The following MEIS1 variants were observed in gnomAD, a reference collection of about 807,000 sequenced individuals.
The protein encoded by MEIS1 is homeobox protein Meis1.
MEIS1 carries 5 observed loss-of-function variants against 50.8 expected under a neutral mutation model. That is an observed-to-expected ratio of 0.10 (90% CI 0.05 to 0.21). MEIS1 has a LOEUF of 0.21. Ranked by LOEUF, MEIS1 falls within the 10% of genes least tolerant of loss-of-function variation. MEIS1 has a pLI of 1.00. For missense variants in MEIS1, 318 were observed against 517.3 expected, an observed-to-expected ratio of 0.61 and a Z score of 3.74; for synonymous variants, 176 against 179.3, an observed-to-expected ratio of 0.98 and a Z score of 0.15.
chr2:66,477,675 T>C (rs1672925721), intron 7 of MEIS1, among the ~76,000 whole-genome samples: 1 of 152,234 alleles, frequency 6.6e-6, no homozygotes, highest in Non-Finnish European at 1.5e-5. Context: ...TTTACTGCTC[T>C]GAAAATGAGG....
chr2:66,559,978 G>T (rs1675171429), intron 9 of MEIS1, among the ~76,000 whole-genome samples: 1 of 151,688 alleles, frequency 6.6e-6, no homozygotes, highest in African/African-American at 2.4e-5. Context: ...TACATTTTTT[G>T]TAGAGACAGG....
intron 7 of MEIS1, among the ~76,000 whole-genome samples, chr2:66,485,865 T>C (rs1673130240): frequency 1.3e-5 from 2 of 152,256 alleles, no homozygotes; most frequent in South Asian, 2.1e-4. Context: ...GATGAGCTTT[T>C]TTCATATGTT....
At chr2:66,518,121 G>T (rs1674015076) in intron 8 of MEIS1, among the ~76,000 whole-genome samples, 1 of 152,098 alleles carries the variant, frequency 6.6e-6, no homozygotes, top group African/African-American at 2.4e-5. Flanking sequence ...CTCTGACCTG[G>T]GGTAATTACA....
At chr2:66,440,235 G>C in intron 3 of MEIS1, 1 of 591,722 alleles carries the variant, frequency 1.7e-6, no homozygotes, top group South Asian at 2.1e-5. Context: ...CCTCCAGAAA[G>C]CAAACGTGGA....
At chr2:66,466,818 G>A (rs772630427) in intron 7 of MEIS1, among the ~76,000 whole-genome samples, 8 of 152,054 alleles carry the variant, frequency 5.3e-5, no homozygotes, top group African/African-American at 1.9e-4. Context: ...ATCCAAAGAG[G>A]TGTTTCCCCC....
intron 7 of MEIS1, among the ~76,000 whole-genome samples, chr2:66,504,483 G>A (rs1386276913): frequency 1.3e-5 from 2 of 151,954 alleles, no homozygotes; most frequent in Non-Finnish European, 2.9e-5. Flanking sequence ...TGATCCACCC[G>A]CCTCGGTCTC....
At position 66,464,904 on chromosome 2, in the gene MEIS1, C is replaced by A. The variant is rs191787693; in HGVS notation, c.742+684C>A. Among the ~76,000 whole-genome samples the A allele has an allele frequency of 6.6e-3, 1,011 of 152,246 alleles. 11 individuals are homozygous for A. Among genetic ancestry groups the A allele is most frequent in the African/African-American group, 0.023 (940 of 41,526 alleles). On this transcript the variant is annotated intron_variant, in intron 7 of 12. Transcript: ENST00000272369. ...ATCAAGCTAGTCTTCAGCAAAAGGG[C>A]GAATTGAGTATTCAAATGTCTGTAC...
intron 8 of MEIS1, among the ~76,000 whole-genome samples, chr2:66,538,558 G>T (rs1452282786): frequency 6.6e-6 from 1 of 152,174 alleles, no homozygotes; most frequent in Non-Finnish European, 1.5e-5. Context: ...ACTCACAAAT[G>T]CAGGTTGAGG....
At chr2:66,446,335 G>T (rs1049817931) in intron 6 of MEIS1, among the ~76,000 whole-genome samples, 1 of 152,132 alleles carries the variant, frequency 6.6e-6, no homozygotes, top group African/African-American at 2.4e-5. Flanking sequence ...TTCCTAGGCC[G>T]CTTCTATTGC....
intron 7 of MEIS1, among the ~76,000 whole-genome samples, chr2:66,492,883 G>A (rs1673306263): frequency 6.6e-6 from 1 of 152,120 alleles, no homozygotes; most frequent in Non-Finnish European, 1.5e-5. Context: ...TCTTAGTTAT[G>A]CTGTTGAACA....
chr2:66,501,074 G>T (rs767494707), intron 7 of MEIS1, among the ~76,000 whole-genome samples: 4 of 152,106 alleles, frequency 2.6e-5, no homozygotes, highest in Admixed American at 6.5e-5. Flanking sequence ...TTATGTAGGA[G>T]TTTATGACCA....
chr2:66,511,335 G>C (rs1331868222), intron 7 of MEIS1, among the ~76,000 whole-genome samples: 1 of 152,024 alleles, frequency 6.6e-6, no homozygotes, highest in Non-Finnish European at 1.5e-5. Flanking sequence ...AGAATAAAGA[G>C]TGTAAATGTT....
At chr2:66,512,956 C>T (rs577720458) in intron 8 of MEIS1, among the ~76,000 whole-genome samples, 3 of 152,216 alleles carry the variant, frequency 2.0e-5, no homozygotes, top group East Asian at 3.9e-4. Context: ...CAGGAATTCT[C>T]CTGGAGATGT....
intron 7 of MEIS1, among the ~76,000 whole-genome samples, chr2:66,503,487 A>G (rs1673606910): frequency 6.6e-6 from 1 of 152,186 alleles, no homozygotes; most frequent in Non-Finnish European, 1.5e-5. Flanking sequence ...CTTGTTTCAC[A>G]CACTCATAGA....
Position 66,435,633 on chromosome 2 carries a change from G to A in MEIS1, c.-224G>A. The A allele has an allele frequency of 2.4e-6, 1 of 413,190 alleles. No homozygotes were observed. Among genetic ancestry groups the A allele is most frequent in the Non-Finnish European group, 4.3e-6 (1 of 230,864 alleles). 25.6% of individuals were successfully genotyped at this position (413,190 alleles called of 1,614,324 possible). A position where few individuals can be genotyped will look rare whatever the true frequency, so the allele number is the denominator to read the frequency against. ...TTGCCCCCGCTGCTGTCTTGGAAAC[G>A]GAGCGCTTTTATGCTCAGTGACTCG... On this transcript the variant is annotated 5_prime_UTR_variant, in exon 1 of 13. Coordinates refer to ENST00000272369, the MANE Select transcript of MEIS1 (RefSeq NM_002398.3).
chr2:66,515,086 C>T (rs1673932340), intron 8 of MEIS1, among the ~76,000 whole-genome samples: 1 of 152,024 alleles, frequency 6.6e-6, no homozygotes, highest in Non-Finnish European at 1.5e-5. Context: ...TAAATGGTCA[C>T]GTCATTGCTA....
At chr2:66,553,856 A>G (rs1389795786) in intron 9 of MEIS1, among the ~76,000 whole-genome samples, 1 of 152,236 alleles carries the variant, frequency 6.6e-6, no homozygotes, top group Non-Finnish European at 1.5e-5. Flanking sequence ...AAAGCTCCTT[A>G]TGAAAGAGTA....
chr2:66,568,766 T>C lies in MEIS1; in HGVS notation c.1114+10T>C, dbSNP rs1452143072. On this transcript the variant is annotated intron_variant, in intron 11 of 12. Coordinates refer to ENST00000272369, the MANE Select transcript of MEIS1 (RefSeq NM_002398.3). ...GGAATTAGAGCACCAGGTAAGACTT[T>C]GTTTTTGTGGTAGTTCCTCATTTTT... 1.9e-6 allele frequency: 3 copies of C among 1,611,944 alleles called. No homozygotes were observed. The highest frequency in any genetic ancestry group is 1.3e-5 in the African/African-American group (1 of 74,888).
At position 66,450,026 on chromosome 2, in the gene MEIS1, G is replaced by C. The variant is rs1672243013; in HGVS notation, c.630+6978G>C. Among the ~76,000 whole-genome samples, 4 of 152,080 alleles carry C rather than the reference G, an allele frequency of 2.6e-5. No individual in the cohort carries two copies. In the South Asian group the frequency reaches 8.3e-4, roughly 31 times the overall value. ...AAATTACAGCTGGAGTTGTATAGCT[G>C]TATATCAATACAATTGAAGTTTATA... On this transcript the variant is annotated intron_variant, in intron 6 of 12. Coordinates refer to ENST00000272369, the MANE Select transcript of MEIS1 (RefSeq NM_002398.3).
Sources: allele counts gnomAD v4.1 joint callset (sites outside exome capture counted in the v4.1 genomes callset), GRCh38; gene constraint gnomAD v4.1.1; transcripts MANE v1.5; gene names NCBI Gene and HGNC (gene_info 2026-07-23, HGNC 2026-07-21).